The following PDE4D variants were observed in gnomAD, a reference collection of about 807,000 sequenced individuals.
PDE4D encodes the protein 3',5'-cyclic-AMP phosphodiesterase 4D.
Under a neutral mutation model 87.4 loss-of-function variants are expected in PDE4D, and 24 were observed. That is an observed-to-expected ratio of 0.27 (90% CI 0.20 to 0.39). PDE4D has a LOEUF of 0.39. Ranked by LOEUF, PDE4D falls within the 10% of genes least tolerant of loss-of-function variation. The probability of loss-of-function intolerance (pLI) is 1.00; values close to 1 mark genes in which losing one functional copy is unlikely to be tolerated. For missense variants in PDE4D, 714 were observed against 1,041.0 expected (o/e 0.69, Z 4.32); for synonymous variants, 384 against 383.2 (o/e 1.00, Z -0.02).
At chr5:59,417,603 C>G (rs936523099) in intron 1 of PDE4D, among the ~76,000 whole-genome samples, 1 of 151,800 alleles carries the variant, frequency 6.6e-6, no homozygotes, top group Non-Finnish European at 1.5e-5. Context: ...TCATGGCTAA[C>G]TTTCACTGTG....
At chr5:59,832,790 CTCACTTCTCTGTGTGTCTATGTCT>C (rs1202087421) in intron 1 of PDE4D, among the ~76,000 whole-genome samples, 1 of 152,026 alleles carries the variant, frequency 6.6e-6, no homozygotes, top group Admixed American at 6.6e-5. Context: ...CAAAGATCAT[CTCACTTCTCTGTGTGTCTATGTCT>C]TCACTTTTAA....
intron 1 of PDE4D, among the ~76,000 whole-genome samples, chr5:59,519,714 G>A (rs1811852386): frequency 6.6e-6 from 1 of 152,216 alleles, no homozygotes; most frequent in Non-Finnish European, 1.5e-5. Flanking sequence ...AACACGATGT[G>A]AACTAATTAC....
intron 1 of PDE4D, among the ~76,000 whole-genome samples, chr5:60,303,139 T>A (rs754122168): frequency 6.0e-5 from 9 of 151,134 alleles, no homozygotes; most frequent in Non-Finnish European, 1.3e-4. Context: ...TAAATTTCCC[T>A]CTTAACACCG....
At chr5:59,801,130 T>G (rs1054684983) in intron 1 of PDE4D, among the ~76,000 whole-genome samples, 2 of 152,212 alleles carry the variant, frequency 1.3e-5, no homozygotes, top group African/African-American at 4.8e-5. Context: ...CTTGTCCAAA[T>G]TTTTACATTG....
intron 1 of PDE4D, among the ~76,000 whole-genome samples, chr5:60,485,065 T>C (rs1749029655): frequency 6.6e-6 from 1 of 152,214 alleles, no homozygotes; most frequent in East Asian, 1.9e-4. Context: ...AGGAACACAG[T>C]TATAGTTAAG....
intron 1 of PDE4D, chr5:59,430,630 T>C (rs1028167286): frequency 5.7e-6 from 2 of 349,254 alleles, no homozygotes; most frequent in African/African-American, 4.2e-5. Context: ...TACAAGAAGC[T>C]TTTTGCTTAT....
At chr5:59,608,318 G>A (rs957500959) in intron 1 of PDE4D, among the ~76,000 whole-genome samples, 29 of 152,094 alleles carry the variant, frequency 1.9e-4, no homozygotes, top group African/African-American at 6.0e-4. Flanking sequence ...CTCACACAGC[G>A]CATGCTTCTA....
intron 1 of PDE4D, among the ~76,000 whole-genome samples, chr5:59,816,613 T>G (rs1473264902): frequency 6.6e-6 from 1 of 152,224 alleles, no homozygotes; most frequent in Non-Finnish European, 1.5e-5. Context: ...TTTTTGGGGA[T>G]ATACAATGTA....
At chr5:59,597,887 A>G (rs1326192100) in intron 1 of PDE4D, among the ~76,000 whole-genome samples, 1 of 152,128 alleles carries the variant, frequency 6.6e-6, no homozygotes, top group Non-Finnish European at 1.5e-5. Context: ...TGTTTTTAAC[A>G]TTCTGACTCG....
chr5:59,856,219 G>A (rs1259099431), intron 1 of PDE4D, among the ~76,000 whole-genome samples: 1 of 152,080 alleles, frequency 6.6e-6, no homozygotes, highest in Non-Finnish European at 1.5e-5. Flanking sequence ...AAGATAAGTG[G>A]TATTTCTCTT....
chr5:59,398,161 A>G (rs1216198940), intron 1 of PDE4D, among the ~76,000 whole-genome samples: 1 of 144,288 alleles, frequency 6.9e-6, no homozygotes, highest in East Asian at 2.1e-4. Context: ...ACAAGGAGGA[A>G]CTGGTACCAT....
intron 1 of PDE4D, among the ~76,000 whole-genome samples, chr5:60,424,970 T>G (rs1384099399): frequency 6.6e-6 from 1 of 152,132 alleles, no homozygotes; most frequent in African/African-American, 2.4e-5. Context: ...GGAATCCAAC[T>G]TACAAGGGAT....
At chr5:59,712,043 T>C (rs1475168635) in intron 1 of PDE4D, among the ~76,000 whole-genome samples, 1 of 152,126 alleles carries the variant, frequency 6.6e-6, no homozygotes, top group Non-Finnish European at 1.5e-5. Flanking sequence ...CCCAGTGAGT[T>C]TTAATTTGAC....
chr5:60,029,911 C>T (rs955269525), intron 2 of PDE4D, among the ~76,000 whole-genome samples: 5 of 152,186 alleles, frequency 3.3e-5, no homozygotes, highest in Middle Eastern at 6.8e-3. Context: ...TCCTCAGAGA[C>T]GGGGGAATTT....
At chr5:60,502,441 C>G (rs1277211142) in intron 1 of PDE4D, among the ~76,000 whole-genome samples, 5 of 152,290 alleles carry the variant, frequency 3.3e-5, no homozygotes, top group African/African-American at 1.2e-4. Flanking sequence ...TAGTGTGATG[C>G]CTCCAGCTTT....
intron 1 of PDE4D, among the ~76,000 whole-genome samples, chr5:59,352,691 T>A (rs887202297): frequency 2.6e-5 from 4 of 152,172 alleles, no homozygotes; most frequent in African/African-American, 9.7e-5. Context: ...TTTAGGGATA[T>A]CTAGATCTTC....
chr5:59,812,068 T>C (rs1768416096), intron 1 of PDE4D, among the ~76,000 whole-genome samples: 1 of 152,196 alleles, frequency 6.6e-6, no homozygotes, highest in South Asian at 2.1e-4. Flanking sequence ...CCATCTTTTC[T>C]GATAGTACCA....
At chr5:59,532,597 A>T (rs1451054663) in intron 1 of PDE4D, among the ~76,000 whole-genome samples, 1 of 152,088 alleles carries the variant, frequency 6.6e-6, no homozygotes, top group Non-Finnish European at 1.5e-5. Flanking sequence ...TAGCTAAAGA[A>T]ATGTAAATTA....
At chr5:59,177,278 C>G (rs571310186) in intron 5 of PDE4D, among the ~76,000 whole-genome samples, 1 of 152,270 alleles carries the variant, frequency 6.6e-6, no homozygotes, top group African/African-American at 2.4e-5. Context: ...TCTCAGACTT[C>G]CAGCCTCCAG....
Sources: allele counts gnomAD v4.1 joint callset (sites outside exome capture counted in the v4.1 genomes callset), GRCh38; gene constraint gnomAD v4.1.1; transcripts MANE v1.5; gene names NCBI Gene and HGNC (gene_info 2026-07-23, HGNC 2026-07-21).